The following LPP variants were observed in gnomAD, a reference collection of about 807,000 sequenced individuals.
LPP encodes the protein LIM domain containing preferred translocation partner in lipoma.
In LPP, 38 loss-of-function variants were observed where a neutral mutation model predicts 60.4. That is an observed-to-expected ratio of 0.63 (90% CI 0.49 to 0.83). LPP has a LOEUF of 0.83. Ranked by LOEUF, LPP falls within the 40% of genes least tolerant of loss-of-function variation. The pLI is 0.00. For synonymous variants in LPP, 328 were observed against 290.8 expected (o/e 1.13, Z -1.30); for missense variants, 902 against 783.6 (o/e 1.15, Z -1.80).
rs151082185 is a variant in LPP at position 188,174,160 on chromosome 3, G to A, written c.-190+19908G>A. 4.7e-3 allele frequency among the ~76,000 whole-genome samples: 710 copies of A among 152,304 alleles called. 3 individuals are homozygous for A. The highest frequency in any genetic ancestry group is 0.016 in the African/African-American group (671 of 41,570). Reference sequence around the variant, plus strand: ...ATTTCAAGAAGATTGGGACAAGCTGGTGCAAAACAAAGAAGAGTTATTCAT... The same window carrying A: ...ATTTCAAGAAGATTGGGACAAGCTGATGCAAAACAAAGAAGAGTTATTCAT... On this transcript the variant is annotated intron_variant, in intron 1 of 11. Transcript: ENST00000617246.
At chr3:188,555,797 A>G (rs1265181463) in intron 6 of LPP, among the ~76,000 whole-genome samples, 2 of 152,074 alleles carry the variant, frequency 1.3e-5, no homozygotes, top group Non-Finnish European at 2.9e-5. Context: ...AGACAGCTGT[A>G]TATTTGAGTC....
Position 188,334,422 on chromosome 3 carries a change from C to CTT in LPP, c.-66-7222_-66-7221dup, listed in dbSNP as rs71167095. On this transcript the variant is annotated intron_variant, in intron 2 of 11. Coordinates refer to ENST00000617246, the MANE Select transcript of LPP (RefSeq NM_001375462.1). Reference sequence around the variant, plus strand: ...TTGCTGGATCTTACGATATTTCTTTCTTTTTTTTTTTTTTTTTTTTGAGAC... The same window carrying CTT: ...TTGCTGGATCTTACGATATTTCTTTCTTTTTTTTTTTTTTTTTTTTTTGAGAC... Among the ~76,000 whole-genome samples, 818 of 98,642 alleles carry CTT rather than the reference C, an allele frequency of 8.3e-3. 20 individuals carry two copies. The highest frequency in any genetic ancestry group is 0.029 in the South Asian group (81 of 2,816). The allele number at this position is 98,642 out of a possible 152,430, so 64.7% of individuals were successfully genotyped here. A position where few individuals can be genotyped will look rare whatever the true frequency, so the allele number is the denominator to read the frequency against.
In LPP at chr3:188,406,246, C is replaced by A. The variant is rs757873800; in HGVS notation, c.126C>A (p.Pro42=). 1 of 1,614,134 alleles carries A rather than the reference C, an allele frequency of 6.2e-7. No individual in the cohort carries two copies. Among genetic ancestry groups the A allele is most frequent in the Non-Finnish European group, 8.5e-7 (1 of 1,180,010 alleles). The change falls in exon 4 of 12, where the codon CCC becomes CCA. Residue 42 remains proline (P), a synonymous_variant. Coordinates refer to ENST00000617246, the MANE Select transcript of LPP (RefSeq NM_001375462.1). ...PSISVSTQQP[P]KKFAPVVAPK... is the part of the protein sequence containing the mutation. The stretch of plus-strand genomic sequence containing the variant: ...TTTCAGTGTCTACACAACAGCCACC[C>A]AAAAAGTTTGCCCCGGTAGTTGCTC...
intron 2 of LPP, among the ~76,000 whole-genome samples, chr3:188,339,008 CTCTT>C (rs1354748125): frequency 1.3e-5 from 2 of 152,140 alleles, no homozygotes; most frequent in African/African-American, 4.8e-5. Context: ...TTGCTTCTCT[CTCTT>C]TATTATCTTA....
intron 2 of LPP, among the ~76,000 whole-genome samples, chr3:188,252,461 T>C (rs1352666310): frequency 6.6e-6 from 1 of 151,558 alleles, no homozygotes; most frequent in Non-Finnish European, 1.5e-5. Context: ...TTCCATATCA[T>C]TGGATATATT....
intron 2 of LPP, among the ~76,000 whole-genome samples, chr3:188,243,734 TGTGATTGGACAGG>T (rs1177361424): frequency 6.6e-6 from 1 of 152,158 alleles, no homozygotes; most frequent in Non-Finnish European, 1.5e-5. Flanking sequence ...TAACTGGTGC[TGTGATTGGACAGG>T]GTGACTAACC....
intron 7 of LPP, among the ~76,000 whole-genome samples, chr3:188,682,286 A>G (rs73196736): frequency 2.8e-3 from 427 of 152,382 alleles, no homozygotes; most frequent in Admixed American, 5.6e-3. Context: ...TTCATGATGC[A>G]TATGCAAGAA....
chr3:188,827,677 G>A (rs1755947277), intron 9 of LPP, among the ~76,000 whole-genome samples: 1 of 151,974 alleles, frequency 6.6e-6, no homozygotes, highest in African/African-American at 2.4e-5. Context: ...GGAGATGAAG[G>A]CCAGAGCCAA....
chr3:188,559,983 A>G lies in LPP; in HGVS notation c.429+35196A>G, dbSNP rs193015227. ...GTGGCTGTCCACTTGGCAAAGTGGAAAGAGCTTCTGTTCTCACTGTGGCAT... is the reference window on the plus strand; with the variant it reads ...GTGGCTGTCCACTTGGCAAAGTGGAGAGAGCTTCTGTTCTCACTGTGGCAT... On this transcript the variant is annotated intron_variant, in intron 6 of 11. Transcript: ENST00000617246. 1.6e-3 allele frequency among the ~76,000 whole-genome samples: 236 copies of G among 152,218 alleles called. 2 individuals carry two copies. Among genetic ancestry groups the G allele is most frequent in the African/African-American group, 5.5e-3 (229 of 41,568 alleles).
intron 9 of LPP, among the ~76,000 whole-genome samples, chr3:188,819,243 G>A (rs557571159): frequency 6.6e-5 from 10 of 151,804 alleles, no homozygotes; most frequent in Non-Finnish European, 1.2e-4. Flanking sequence ...GGCTTCTATC[G>A]ATCCCATCAT....
intron 4 of LPP, among the ~76,000 whole-genome samples, chr3:188,479,814 TTTTC>T (rs1229719776): frequency 6.6e-6 from 1 of 152,242 alleles, no homozygotes; most frequent in East Asian, 1.9e-4. Context: ...GCTTTCTTTG[TTTTC>T]TTTTTGTACC....
chr3:188,545,587 A>T (rs550320988), intron 6 of LPP, among the ~76,000 whole-genome samples: 104 of 152,158 alleles, frequency 6.8e-4, no homozygotes, highest in Non-Finnish European at 1.2e-3. Context: ...GGTGCAGAGG[A>T]TTCACTTTCA....
At chr3:188,493,767 A>T (rs1237263115) in intron 5 of LPP, among the ~76,000 whole-genome samples, 2 of 152,090 alleles carry the variant, frequency 1.3e-5, no homozygotes, top group East Asian at 3.9e-4. Context: ...TAATATGTTG[A>T]AAATATATTT....
intron 2 of LPP, among the ~76,000 whole-genome samples, chr3:188,241,082 A>C (rs567247630): frequency 1.3e-5 from 2 of 152,358 alleles, no homozygotes; most frequent in South Asian, 2.1e-4. Context: ...GCACAGTTTT[A>C]TCAGGGAAGT....
chr3:188,428,009 C>T (rs957856706), intron 4 of LPP, among the ~76,000 whole-genome samples: 12 of 152,074 alleles, frequency 7.9e-5, no homozygotes, highest in South Asian at 4.1e-4. Context: ...AACGGTCACC[C>T]GGTTTTGTGC....
rs534715324 is a variant in LPP at position 188,420,676 on chromosome 3, T to G, written c.193+14363T>G. 2.6e-5 allele frequency among the ~76,000 whole-genome samples: 4 copies of G among 152,206 alleles called. 1 individual carries two copies. The South Asian group carries it at 8.3e-4, about 32-fold the overall frequency. ...CTCGAAGAGATTCTTAACTTACCCA[T>G]TAAGAAAAGTAACATCTCTGTCTAG... On this transcript the variant is annotated intron_variant, in intron 4 of 11. Coordinates refer to ENST00000617246, the MANE Select transcript of LPP (RefSeq NM_001375462.1).
intron 9 of LPP, among the ~76,000 whole-genome samples, chr3:188,848,128 A>T (rs1320839112): frequency 6.6e-6 from 1 of 152,216 alleles, no homozygotes; most frequent in Admixed American, 6.5e-5. Context: ...CAATTTTATG[A>T]AATTCCCTAG....
chr3:188,386,270 A>T (rs1015491074), intron 3 of LPP, among the ~76,000 whole-genome samples: 1 of 130,830 alleles, frequency 7.6e-6, no homozygotes, highest in African/African-American at 3.6e-5. Context: ...GCGCGCACAC[A>T]CACACACACA....
chr3:188,586,145 C>A (rs1166190556), intron 6 of LPP, among the ~76,000 whole-genome samples: 2 of 152,036 alleles, frequency 1.3e-5, no homozygotes, highest in Non-Finnish European at 2.9e-5. Context: ...AAAAAATATT[C>A]TTTTGTTGTT....
Sources: gnomAD v4.1 joint callset for allele counts (sites outside exome capture counted in the v4.1 genomes callset) on GRCh38, gnomAD v4.1.1 for gene constraint, MANE v1.5 for transcripts, NCBI Gene and HGNC (gene_info 2026-07-23, HGNC 2026-07-21) for gene names.